Variants in PRKAG2 observed in about 807,000 individuals in gnomAD.
The protein encoded by PRKAG2 is protein kinase AMP-activated non-catalytic subunit gamma 2.
In PRKAG2, 26 loss-of-function variants were observed where a neutral mutation model predicts 69.6. The ratio of observed to expected loss-of-function variants is 0.37; its 90% CI spans 0.27 to 0.52. PRKAG2 has a LOEUF of 0.52. Ranked by LOEUF, PRKAG2 falls within the 20% of genes least tolerant of loss-of-function variation. PRKAG2 has a pLI of 0.90. For missense variants in PRKAG2, 557 were observed against 740.0 expected (o/e 0.75, Z 2.87); for synonymous variants, 293 against 285.0 (o/e 1.03, Z -0.28).
chr7:151,688,026 A>AGGG (rs1563431220), intron 3 of PRKAG2, among the ~76,000 whole-genome samples: 1 of 105,574 alleles, frequency 9.5e-6, no homozygotes. Flanking sequence ...GAGGAGGAGG[A>AGGG]GGAGGAGGAA....
At chr7:151,610,705 A>G (rs1482346094) in intron 5 of PRKAG2, among the ~76,000 whole-genome samples, 2 of 148,372 alleles carry the variant, frequency 1.3e-5, no homozygotes, top group African/African-American at 5.0e-5. Flanking sequence ...ACAAAGCCTT[A>G]GTGTGTTAGC....
chr7:151,570,764 T>G (rs1390057153), intron 9 of PRKAG2, among the ~76,000 whole-genome samples: 1 of 152,182 alleles, frequency 6.6e-6, no homozygotes, highest in Non-Finnish European at 1.5e-5. Flanking sequence ...TTAATTTGCT[T>G]TTCCAAGGTT....
chr7:151,784,330 C>T (rs182972510), intron 2 of PRKAG2, among the ~76,000 whole-genome samples: 16 of 152,188 alleles, frequency 1.1e-4, no homozygotes, highest in Non-Finnish European at 1.5e-4. Flanking sequence ...GGGAGAGGGC[C>T]GAGCCAATGC....
chr7:151,875,285 T>C (rs2080359164), intron 1 of PRKAG2, among the ~76,000 whole-genome samples: 2 of 151,758 alleles, frequency 1.3e-5, no homozygotes, highest in Non-Finnish European at 2.9e-5. Context: ...GACCCGCCCC[T>C]GGACTCCACC....
At chr7:151,685,791 T>C (rs1424889265) in intron 3 of PRKAG2, among the ~76,000 whole-genome samples, 1 of 151,646 alleles carries the variant, frequency 6.6e-6, no homozygotes, top group Non-Finnish European at 1.5e-5. Flanking sequence ...AAAATTCTAA[T>C]ATGGTGAATA....
At chr7:151,610,813 T>C (rs1176667556) in intron 5 of PRKAG2, among the ~76,000 whole-genome samples, 1 of 141,732 alleles carries the variant, frequency 7.1e-6, no homozygotes, top group East Asian at 2.2e-4. Flanking sequence ...CAATTTTGCC[T>C]TCTCCTGGGA....
chr7:151,720,638 AGGGGGATGAAGG>A, intron 3 of PRKAG2, among the ~76,000 whole-genome samples: 1 of 93,384 alleles, frequency 1.1e-5, no homozygotes, highest in South Asian at 4.7e-4. Flanking sequence ...AGGGGGACAG[AGGGGGATGAAGG>A]AGGAGAGAAT....
intron 12 of PRKAG2, 66 bp downstream of exon 12, chr7:151,565,654 C>T (rs1806075763): frequency 6.4e-7 from 1 of 1,556,742 alleles, no homozygotes; most frequent in Non-Finnish European, 8.9e-7. Context: ...TGTGCCAGGT[C>T]ATCTTACAAT....
intron 1 of PRKAG2, among the ~76,000 whole-genome samples, chr7:151,832,242 GGGAA>G (rs1255077015): frequency 8.5e-5 from 2 of 23,402 alleles, no homozygotes; most frequent in African/African-American, 2.3e-4. Context: ...GAGAGGAGGA[GGGAA>G]GGAAGGGAGG....
intron 1 of PRKAG2, chr7:151,809,606 G>A: frequency 5.4e-6 from 1 of 185,776 alleles, no homozygotes; most frequent in South Asian, 9.1e-5. Flanking sequence ...TCACCGGGCT[G>A]CCTGAGCCCA....
chr7:151,870,908 G>A (rs189817003), intron 1 of PRKAG2, among the ~76,000 whole-genome samples: 53 of 152,324 alleles, frequency 3.5e-4, no homozygotes, highest in Middle Eastern at 3.4e-3. Context: ...TGTCTCCAGC[G>A]ACTGTGCAGG....
chr7:151,869,708 G>A (rs1011334595), intron 1 of PRKAG2, among the ~76,000 whole-genome samples: 2 of 152,238 alleles, frequency 1.3e-5, no homozygotes, highest in Non-Finnish European at 1.5e-5. Context: ...GTGCTCAAGC[G>A]GCATTGGGCC....
intron 1 of PRKAG2, among the ~76,000 whole-genome samples, chr7:151,820,165 G>A (rs1237460100): frequency 1.3e-5 from 2 of 152,228 alleles, no homozygotes; most frequent in Non-Finnish European, 2.9e-5. Flanking sequence ...AGTGAGAGGA[G>A]GAAGGACTCG....
rs2079863280 is a variant in PRKAG2 at position 151,859,450 on chromosome 7, C to T, written c.114+17057G>A. Among the ~76,000 whole-genome samples the T allele has an allele frequency of 1.3e-5, 2 of 152,250 alleles. 1 individual carries two copies. On this transcript the variant is annotated intron_variant, in intron 1 of 15. Transcript: ENST00000287878. ...AAAGGTGCTGGCCAGGAATCATGGT[C>T]TTCAGAGTGAGGGCAGCGCCCAGCA...
intron 11 of PRKAG2, 34 bp downstream of exon 11, chr7:151,568,682 A>C: frequency 6.2e-7 from 1 of 1,607,790 alleles, no homozygotes; most frequent in Non-Finnish European, 8.5e-7. Flanking sequence ...AAGTAAATGC[A>C]ATTATGTCTT....
intron 4 of PRKAG2, among the ~76,000 whole-genome samples, chr7:151,646,204 A>T (rs535020668): frequency 1.3e-5 from 2 of 152,244 alleles, no homozygotes; most frequent in Non-Finnish European, 2.9e-5. Flanking sequence ...TTCTATATAC[A>T]TTCCAGAATT....
intron 5 of PRKAG2, among the ~76,000 whole-genome samples, chr7:151,626,942 C>T (rs554828644): frequency 2.6e-5 from 4 of 152,144 alleles, no homozygotes; most frequent in East Asian, 3.9e-4. Context: ...CAACAAGAAC[C>T]GATCTTCACT....
At chr7:151,742,665 T>A (rs1456700210) in intron 3 of PRKAG2, among the ~76,000 whole-genome samples, 1 of 152,044 alleles carries the variant, frequency 6.6e-6, no homozygotes, top group East Asian at 1.9e-4. Flanking sequence ...AGTCCTTATT[T>A]GCATTAAAGC....
chr7:151,819,797 A>G (rs940801419), intron 1 of PRKAG2, among the ~76,000 whole-genome samples: 2 of 152,198 alleles, frequency 1.3e-5, no homozygotes, highest in African/African-American at 4.8e-5. Flanking sequence ...GGGGCCCCAG[A>G]GCCCTCTGTC....
Sources: gnomAD v4.1 joint callset for allele counts (sites outside exome capture counted in the v4.1 genomes callset) on GRCh38, gnomAD v4.1.1 for gene constraint, MANE v1.5 for transcripts, NCBI Gene and HGNC (gene_info 2026-07-23, HGNC 2026-07-21) for gene names.